Variants in ATP13A3 observed in about 807,000 individuals in gnomAD.
ATP13A3 encodes the protein polyamine-transporting ATPase 13A3.
ATP13A3 carries 59 observed loss-of-function variants against 158.1 expected under a neutral mutation model. The observed-to-expected ratio is 0.37, with a 90% CI of 0.30 to 0.46. The LOEUF (loss-of-function observed/expected upper bound fraction) is 0.46, where lower values mean the gene tolerates loss of function less well. ATP13A3 is among the 20% of genes least tolerant of loss of function. The pLI, the probability that ATP13A3 is intolerant of heterozygous loss-of-function variation, is 1.00. For synonymous variants in ATP13A3, 491 were observed against 504.3 expected (o/e 0.97, Z 0.35); for missense variants, 1,166 against 1,525.2 (o/e 0.76, Z 3.92).
At position 194,438,870 on chromosome 3, in the gene ATP13A3, C is replaced by T; in HGVS notation, c.1813G>A (p.Gly605Arg). 1 of 1,589,946 alleles carries T rather than the reference C, an allele frequency of 6.3e-7. No individual in the cohort carries two copies. Among genetic ancestry groups the T allele is most frequent in the African/African-American group, 1.3e-5 (1 of 74,098 alleles). The part of the protein sequence containing the change: ...KQLLPESTPA[G>R]NQEMELFELP... ...TGATTTCTCACCATTTCTTGGTTTC[C>T]TGCAGGGGTAGATTCAGGAAGCAGT... Residue 605 changes from glycine to arginine, a missense_variant, in exon 17 of 34, where the codon GGA becomes AGA. By Grantham distance (125) the Gly-to-Arg change is moderately radical (BLOSUM62 -2). Around this residue, in one of 3 missense-constraint regions of ATP13A3, gnomAD observed 997 missense variants for 1,341.2 expected, o/e 0.74. Transcript: ENST00000645319.
chr3:194,475,171 A>G (rs1720471581), intron 2 of ATP13A3, among the ~76,000 whole-genome samples: 1 of 152,224 alleles, frequency 6.6e-6, no homozygotes, highest in Non-Finnish European at 1.5e-5. Context: ...TCAGTGTGTT[A>G]AAAACATATA....
chr3:194,430,111 G>C lies in ATP13A3; in HGVS notation c.2738C>G (p.Ser913Cys), dbSNP rs1717109655. 1.9e-6 allele frequency: 3 copies of C among 1,614,030 alleles called. No individual in the cohort carries two copies. Among genetic ancestry groups the C allele is most frequent in the Non-Finnish European group, 2.5e-6 (3 of 1,180,020 alleles). Residue 913 changes from serine to cysteine, a missense_variant, in exon 26 of 34, where the codon TCT becomes TGT. Coordinates refer to ENST00000645319, the MANE Select transcript of ATP13A3 (RefSeq NM_001367549.1). ...LEASVASPFT[S>C]KTPSISCVPN... ...CACACAGGAAATACTAGGAGTCTTA[G>C]AGGTAAAGGGAGATGCCACTGAAGC...
chr3:194,419,618 G>C (rs1218267724), intron 31 of ATP13A3, among the ~76,000 whole-genome samples: 3 of 152,204 alleles, frequency 2.0e-5, no homozygotes, highest in Non-Finnish European at 4.4e-5. Flanking sequence ...ACAGGTACCA[G>C]GATCAACGTT....
chr3:194,411,264 CA>C (rs1272103731), intron 33 of ATP13A3, among the ~76,000 whole-genome samples: 1 of 152,074 alleles, frequency 6.6e-6, no homozygotes, highest in East Asian at 1.9e-4. Context: ...GTGGGTAACC[CA>C]ACTCAAAAAT....
chr3:194,493,395 C>T (rs567911323), intron 2 of ATP13A3, among the ~76,000 whole-genome samples: 1 of 152,248 alleles, frequency 6.6e-6, no homozygotes, highest in East Asian at 1.9e-4. Context: ...CCCTGTAATC[C>T]CAACACTTTG....
chr3:194,410,296 C>CAAAAAAAAAAAAAAAAA (rs772008929), intron 33 of ATP13A3, among the ~76,000 whole-genome samples: 2 of 21,820 alleles, frequency 9.2e-5, no homozygotes, highest in African/African-American at 3.7e-4. Context: ...CTCCTCTCTG[C>CAAAAAAAAAAAAAAAAA]AAAAAAAAAA....
In ATP13A3 at chr3:194,448,577, T is replaced by A; in HGVS notation, c.1030A>T (p.Ile344Leu). The change falls in exon 12 of 34, where the codon ATA (isoleucine) becomes TTA (leucine). Residue 344 changes from isoleucine (I) to leucine (L), a missense_variant. Physicochemically the swap from Ile to Leu is conservative, Grantham distance 5 (BLOSUM62 2). This residue lies in a region of ATP13A3 where 997 missense variants were observed against 1,341.2 expected (regional missense o/e 0.74). Coordinates refer to ENST00000645319, the MANE Select transcript of ATP13A3 (RefSeq NM_001367549.1). The surrounding 1 kb of genome is among the most constrained non-coding windows in gnomAD (Gnocchi z 4.0). ...TCTGGATTATATAATTCATCTCCTA[T>A]TCCTTTCACATCCACTGAAGGATTT... ...LPNPSVDVKG[I>L]GDELYNPETH... is the part of the protein sequence containing the mutation. 6.2e-7 allele frequency: 1 copy of A among 1,613,996 alleles called. No homozygotes were observed. The highest frequency in any genetic ancestry group is 8.5e-7 in the Non-Finnish European group (1 of 1,179,938).
Position 194,406,072 on chromosome 3 carries a change from C to T in ATP13A3, c.3618G>A (p.Leu1206=). 1 of 1,614,092 alleles carries T rather than the reference C, an allele frequency of 6.2e-7. No individual in the cohort carries two copies. Among genetic ancestry groups the T allele is most frequent in the Non-Finnish European group, 8.5e-7 (1 of 1,180,034 alleles). The part of the protein sequence containing the change: ...RWGKCCLPWA[L]GCRKKTPKAK... ...CCTTTGGTGTCTTCTTTCTACAGCC[C>T]AGGGCCCAGGGTAAGCAGCATTTTC... Residue 1206 remains leucine (L), a synonymous_variant, in exon 34 of 34, where the codon CTG becomes CTA. Coordinates refer to ENST00000645319, the MANE Select transcript of ATP13A3 (RefSeq NM_001367549.1).
chr3:194,417,778 C>A (rs6769707), intron 31 of ATP13A3, among the ~76,000 whole-genome samples: 28,887 of 151,762 alleles, frequency 0.19, 4,605 homozygotes, highest in African/African-American at 0.43. Flanking sequence ...ATTACAAACC[C>A]CATTTATAAT....
rs1311683971 is a variant in ATP13A3 at position 194,460,099 on chromosome 3, C to T, written c.226-128G>A. 3 of 726,848 alleles carry T rather than the reference C, an allele frequency of 4.1e-6. No individual in the cohort carries two copies. The African/African-American group carries it at 5.3e-5, about 13-fold the overall frequency. The allele number at this position is 726,848 out of a possible 1,614,324, so 45.0% of individuals were successfully genotyped here. A position where few individuals can be genotyped will look rare whatever the true frequency, so the allele number is the denominator to read the frequency against. On this transcript the variant is annotated intron_variant, in intron 4 of 33. Transcript: ENST00000645319. ...TAATTGAGGAAACATCACGCCTACT[C>T]ACTAAATATTAAACCATTTCATGAG...
At chr3:194,458,458 A>G (rs1719403338) in intron 6 of ATP13A3, among the ~76,000 whole-genome samples, 1 of 152,034 alleles carries the variant, frequency 6.6e-6, no homozygotes, top group African/African-American at 2.4e-5. Flanking sequence ...GCACAGTATC[A>G]GCTCACTGCA....
intron 26 of ATP13A3, 33 bp from the exon 27 acceptor site, chr3:194,429,807 T>C (rs1560081822): frequency 1.3e-6 from 2 of 1,578,956 alleles, no homozygotes; most frequent in Non-Finnish European, 8.7e-7. Context: ...GGCATATGAA[T>C]AGAAGCATTT....
chr3:194,422,152 A>C (rs1408456291), intron 30 of ATP13A3, among the ~76,000 whole-genome samples: 1 of 152,130 alleles, frequency 6.6e-6, no homozygotes, highest in Non-Finnish European at 1.5e-5. Context: ...GCACTATCCA[A>C]AAAAGACACT....
At chr3:194,442,807 A>C (rs571377253) in intron 15 of ATP13A3, among the ~76,000 whole-genome samples, 1 of 152,306 alleles carries the variant, frequency 6.6e-6, no homozygotes, top group East Asian at 1.9e-4. Context: ...GTGAAGAAAT[A>C]TTCTTCAAGC....
In ATP13A3 at chr3:194,460,050, TACAAG is replaced by T. The variant is rs1184946656; in HGVS notation, c.226-84_226-80del. On this transcript the variant is annotated intron_variant, in intron 4 of 33. Coordinates refer to ENST00000645319, the MANE Select transcript of ATP13A3 (RefSeq NM_001367549.1). ...ATATTTTCATTTATTTTCCATTCTT[TACAAG>T]ACATTATTTCCTCATCTCTAATTGA... The T allele has an allele frequency of 4.1e-5, 48 of 1,169,826 alleles. No homozygotes were observed. In the South Asian group the frequency reaches 6.7e-4, roughly 16 times the overall value. The allele number at this position is 1,169,826 out of a possible 1,614,324, so 72.5% of individuals were successfully genotyped here. A position where few individuals can be genotyped will look rare whatever the true frequency, so the allele number is the denominator to read the frequency against.
chr3:194,423,644 G>A (rs966396952), intron 30 of ATP13A3, among the ~76,000 whole-genome samples: 1 of 152,140 alleles, frequency 6.6e-6, no homozygotes, highest in Non-Finnish European at 1.5e-5. Flanking sequence ...CGAGTTTTAT[G>A]GTTATATTTC....
At chr3:194,440,098 A>T (rs763288721) in intron 16 of ATP13A3, among the ~76,000 whole-genome samples, 2 of 152,128 alleles carry the variant, frequency 1.3e-5, no homozygotes, top group Non-Finnish European at 2.9e-5. Context: ...GGAAGAGGGA[A>T]GGGAGGATCC....
In ATP13A3 at chr3:194,485,780, TGA is replaced by T. The variant is rs1306631137; in HGVS notation, c.-47+12_-47+13del. 3 of 152,208 alleles carry T rather than the reference TGA, an allele frequency of 2.0e-5. No individual in the cohort carries two copies. The highest frequency in any genetic ancestry group is 2.0e-4 in the Admixed American group (3 of 15,286). 9.4% of individuals were successfully genotyped at this position (152,208 alleles called of 1,614,324 possible). The stretch of plus-strand genomic sequence containing the variant: ...TGATGATTAAAAGCGGCTAATTATG[TGA>T]GTGATTCATACCTCCTATGTCCAAA... On this transcript the variant is annotated intron_variant, in intron 2 of 33. Transcript: ENST00000645319.
At chr3:194,489,952 CATG>C (rs1405160718), upstream of ATP13A3, among the ~76,000 whole-genome samples, 7 of 152,148 alleles carry the variant, frequency 4.6e-5, no homozygotes, top group Non-Finnish European at 1.0e-4. This position sits in a 1 kb window ranked among gnomAD's most constrained non-coding sequence, Gnocchi z 4.1. Flanking sequence ...GTTCTCAAGT[CATG>C]ATGATTCTGG....
Sources: gnomAD v4.1 joint callset for allele counts (sites outside exome capture counted in the v4.1 genomes callset) on GRCh38, gnomAD v4.1.1 for gene constraint, gnomAD v4.1.1 regional missense constraint, Gnocchi (gnomAD v3.1) non-coding constraint, MANE v1.5 for transcripts, NCBI Gene and HGNC (gene_info 2026-07-23, HGNC 2026-07-21) for gene names.